INCENP: variants seen among roughly 807,000 people sequenced by gnomAD.
The protein encoded by INCENP is inner centromere protein, also known as binds and activates aurora-B and -C in vivo and in vitro.
In INCENP, 43 loss-of-function variants were observed where a neutral mutation model predicts 107.3. That is an observed-to-expected ratio of 0.40 (90% CI 0.31 to 0.52). INCENP has a LOEUF of 0.52. Among genes scored for constraint, INCENP ranks in the 20% least tolerant of loss-of-function variants. INCENP has a pLI of 0.53. For missense variants in INCENP, 1,089 were observed against 1,250.9 expected (o/e 0.87, Z 1.95); for synonymous variants, 488 against 494.4 (o/e 0.99, Z 0.17).
At chr11:62,148,398 TTTCCCCAGCA>T in intron 15 of INCENP, 68 bp from the exon 16 acceptor site, 2 of 1,372,472 alleles carry the variant, frequency 1.5e-6, no homozygotes, top group South Asian at 2.6e-5. Context: ...CTGGGCCTGG[TTTCCCCAGCA>T]GGGATGGGAA....
chr11:62,130,825 C>A (rs991066531), intron 4 of INCENP, among the ~76,000 whole-genome samples: 5 of 152,228 alleles, frequency 3.3e-5, no homozygotes, highest in Non-Finnish European at 7.3e-5. Context: ...TTGCATTCTA[C>A]TTCTTTTAGA....
At position 62,138,923 on chromosome 11, in the gene INCENP, C is replaced by A; in HGVS notation, c.1209C>A (p.His403Gln). 3 of 1,614,054 alleles carry A rather than the reference C, an allele frequency of 1.9e-6. No individual in the cohort carries two copies. Among genetic ancestry groups the A allele is most frequent in the Non-Finnish European group, 2.5e-6 (3 of 1,179,892 alleles). The change falls in exon 7 of 19, where the codon CAC becomes CAA. Residue 403 changes from histidine to glutamine, a missense_variant. Coordinates refer to ENST00000394818, the MANE Select transcript of INCENP (RefSeq NM_001040694.2). ...PENNGNNSWP[H>Q]NDTEIANSTP... The stretch of plus-strand genomic sequence containing the variant: ...ACAATGGAAATAACTCGTGGCCCCA[C>A]AATGACACGGAGATTGCCAACAGCA...
Position 62,153,007 on chromosome 11 carries a change from G to A in INCENP, c.*1031G>A, listed in dbSNP as rs1590634331. On this transcript the variant is annotated 3_prime_UTR_variant, in exon 19 of 19. Coordinates refer to ENST00000394818, the MANE Select transcript of INCENP (RefSeq NM_001040694.2). ...TTATCGAAACACAAGCAATGGAAAT[G>A]CCCATTTCCATTGTTGTCTCCAGTT... 1 of 152,194 alleles carries A rather than the reference G, an allele frequency of 6.6e-6. No homozygotes were observed. The highest frequency in any genetic ancestry group is 1.5e-5 in the Non-Finnish European group (1 of 68,034). 9.4% of individuals were successfully genotyped at this position (152,194 alleles called of 1,614,324 possible).
At chr11:62,132,584 C>T (rs573592772) in intron 4 of INCENP, among the ~76,000 whole-genome samples, 12 of 152,238 alleles carry the variant, frequency 7.9e-5, no homozygotes, top group Non-Finnish European at 1.5e-4. Context: ...GGGCTTCAAG[C>T]GGGGGCAGGT....
intron 4 of INCENP, among the ~76,000 whole-genome samples, chr11:62,133,623 G>T (rs931803897): frequency 6.6e-6 from 1 of 152,186 alleles, no homozygotes; most frequent in African/African-American, 2.4e-5. Context: ...CGTGCAGATG[G>T]CACTTAGCAT....
intron 16 of INCENP, 31 bp from the exon 17 acceptor site, chr11:62,148,708 C>T (rs1944309729): frequency 5.8e-6 from 9 of 1,539,018 alleles, no homozygotes; most frequent in Non-Finnish European, 7.9e-6. Context: ...CTGCACAGCT[C>T]CCTAACACCC....
chr11:62,134,548 G>T (rs540491179), intron 4 of INCENP, among the ~76,000 whole-genome samples: 1 of 151,686 alleles, frequency 6.6e-6, no homozygotes, highest in Non-Finnish European at 1.5e-5. Context: ...TAAAAATATT[G>T]TTTAATATTT....
chr11:62,129,680 C>T, intron 3 of INCENP, 102 bp from the exon 4 acceptor site: 12 of 975,866 alleles, frequency 1.2e-5, no homozygotes, highest in Non-Finnish European at 1.8e-5. Flanking sequence ...TTTGCCTTCA[C>T]CTTCTCTTAT....
chr11:62,146,698 A>G lies in INCENP; in HGVS notation c.2000A>G (p.Lys667Arg), dbSNP rs1186714803. ...ERRHQELLQK[K>R]KEEEQERLRK... is the part of the protein sequence containing the mutation. ...CGGCACCAAGAGCTGCTGCAGAAGAAGAAGGAAGAGGAGCAGGAGCGGCTG... is the reference window on the plus strand; with the variant it reads ...CGGCACCAAGAGCTGCTGCAGAAGAGGAAGGAAGAGGAGCAGGAGCGGCTG... Residue 667 changes from lysine to arginine, a missense_variant, in exon 15 of 19, where the codon AAG becomes AGG. Coordinates refer to ENST00000394818, the MANE Select transcript of INCENP (RefSeq NM_001040694.2). 1.3e-6 allele frequency: 2 copies of G among 1,550,500 alleles called. No homozygotes were observed. The highest frequency in any genetic ancestry group is 1.4e-5 in the African/African-American group (1 of 72,830).
rs1944379977 is a variant in INCENP at position 62,151,811 on chromosome 11, C to A, written c.2592C>A (p.Asn864Lys). 6.2e-7 allele frequency: 1 copy of A among 1,614,068 alleles called. No individual in the cohort carries two copies. The change falls in exon 19 of 19, where the codon AAC (asparagine) becomes AAA (lysine). Residue 864 changes from asparagine (N) to lysine (K), a missense_variant. Coordinates refer to ENST00000394818, the MANE Select transcript of INCENP (RefSeq NM_001040694.2). ...AIIHQYYHPPNLLELFGTILP... is the reference protein window; with the variant it reads ...AIIHQYYHPPKLLELFGTILP... ...TTCACCAGTACTACCACCCACCGAACCTTCTGGAGCTCTTTGGAACCATTC... is the reference window on the plus strand; with the variant it reads ...TTCACCAGTACTACCACCCACCGAAACTTCTGGAGCTCTTTGGAACCATTC...
chr11:62,124,289 T>C (rs1402085598), intron 1 of INCENP, 126 bp downstream of exon 1: 2 of 152,300 alleles, frequency 1.3e-5, no homozygotes, highest in African/African-American at 4.8e-5. Context: ...TACCTGGGCA[T>C]ATGAGGGTCA....
chr11:62,146,621 GC>G, intron 14 of INCENP, 36 bp from the exon 15 acceptor site: 2 of 1,548,630 alleles, frequency 1.3e-6, no homozygotes, highest in Non-Finnish European at 1.7e-6. Flanking sequence ...TCTGGCCTGG[GC>G]CTGGCCGCAG....
At chr11:62,148,270 C>T (rs759026459) in intron 15 of INCENP, among the ~76,000 whole-genome samples, 3 of 152,220 alleles carry the variant, frequency 2.0e-5, no homozygotes, top group African/African-American at 4.8e-5. Flanking sequence ...TGGGCTCCAG[C>T]TTGTGTTCCC....
At chr11:62,144,728 T>C in intron 11 of INCENP, 1 of 743,466 alleles carries the variant, frequency 1.3e-6, no homozygotes, top group Non-Finnish European at 2.5e-6. Flanking sequence ...GCCCAAAACT[T>C]GGCAGGGCTC....
At chr11:62,131,025 C>T (rs78325727) in intron 4 of INCENP, among the ~76,000 whole-genome samples, 1,673 of 152,278 alleles carry the variant, frequency 0.011, 33 homozygotes, top group African/African-American at 0.035. Flanking sequence ...CAACCCTATG[C>T]TGCAGAGGCC....
Position 62,152,425 on chromosome 11 carries a change from A to T in INCENP, c.*449A>T. The T allele has an allele frequency of 5.5e-6, 1 of 180,456 alleles. No individual in the cohort carries two copies. The highest frequency in any genetic ancestry group is 1.3e-4 in the South Asian group (1 of 7,652). 11.2% of individuals were successfully genotyped at this position (180,456 alleles called of 1,614,324 possible). On this transcript the variant is annotated 3_prime_UTR_variant, in exon 19 of 19. Transcript: ENST00000394818. ...GCCTGCAGGACGAAGGTACTGTTCC[A>T]TCACCTGCGGTGTGCCTCAGGATCA...
intron 1 of INCENP, 131 bp from the exon 2 acceptor site, chr11:62,128,020 A>G: frequency 1.3e-6 from 1 of 797,496 alleles, no homozygotes; most frequent in Non-Finnish European, 2.1e-6. Flanking sequence ...GGCTGTGAGC[A>G]GAGAGGGGCC....
In INCENP at chr11:62,148,837, G is replaced by C; in HGVS notation, c.2382G>C (p.Val794=). The part of the protein sequence containing the change: ...AGASKALNVT[V]DVQSPACTSY... ...CCAGCAAGGCCCTGAATGTGACTGTGGACGTGCAGGTGCCACCTGGGCCCC... is the reference window on the plus strand; with the variant it reads ...CCAGCAAGGCCCTGAATGTGACTGTCGACGTGCAGGTGCCACCTGGGCCCC... The change falls in exon 17 of 19, where the codon GTG becomes GTC. Residue 794 remains valine (V), a synonymous_variant. Coordinates refer to ENST00000394818, the MANE Select transcript of INCENP (RefSeq NM_001040694.2). 6.2e-7 allele frequency: 1 copy of C among 1,604,376 alleles called. No homozygotes were observed. The highest frequency in any genetic ancestry group is 8.5e-7 in the Non-Finnish European group (1 of 1,175,506).
At chr11:62,126,399 C>T (rs186323273) in intron 1 of INCENP, among the ~76,000 whole-genome samples, 6 of 152,182 alleles carry the variant, frequency 3.9e-5, no homozygotes, top group Admixed American at 3.9e-4. Context: ...GGTTTCACCA[C>T]GTTGGCCAGG....
Sources: allele counts gnomAD v4.1 joint callset (sites outside exome capture counted in the v4.1 genomes callset), GRCh38; gene constraint gnomAD v4.1.1; transcripts MANE v1.5; gene names NCBI Gene and HGNC (gene_info 2026-07-23, HGNC 2026-07-21).